Variants in LRP1B observed in about 807,000 individuals in gnomAD.
LRP1B encodes the protein LDL receptor related protein 1B.
A neutral mutation model predicts 556.6 loss-of-function variants in LRP1B; 217 were observed. That is an observed-to-expected ratio of 0.39 (90% confidence interval 0.35 to 0.44). The LOEUF is 0.44. Among genes scored for constraint, LRP1B ranks in the 20% least tolerant of loss-of-function variants. The probability of loss-of-function intolerance (pLI) is 1.00; values close to 1 mark genes in which losing one functional copy is unlikely to be tolerated. For missense variants in LRP1B, 5,053 were observed against 5,620.8 expected, an observed-to-expected ratio of 0.90 and a Z score of 3.23; for synonymous variants, 2,047 against 1,865.8, an observed-to-expected ratio of 1.10 and a Z score of -2.50.
chr2:140,822,009 GA>G (rs928773334), intron 31 of LRP1B, among the ~76,000 whole-genome samples: 3 of 146,294 alleles, frequency 2.1e-5, no homozygotes, highest in African/African-American at 7.6e-5. Context: ...AAAAAAAAAA[GA>G]AAAAAAAAGA....
intron 41 of LRP1B, among the ~76,000 whole-genome samples, chr2:140,601,935 C>T (rs1682689500): frequency 6.6e-6 from 1 of 151,972 alleles, no homozygotes; most frequent in South Asian, 2.1e-4. Context: ...TTTCTTGTAT[C>T]TTAATCAATT....
In LRP1B at chr2:141,708,191, G is replaced by A. The variant is rs567310708; in HGVS notation, c.205+102088C>T. Among the ~76,000 whole-genome samples, 176 of 151,462 alleles carry A rather than the reference G, an allele frequency of 1.2e-3. 2 individuals carry two copies. Among genetic ancestry groups the A allele is most frequent in the South Asian group, 1.7e-3 (8 of 4,748 alleles). ...GTTTACCTATGTAACAAACCTGCACGTCCGCACATGTATCCCAGGACTTAA... is the reference window on the plus strand; with the variant it reads ...GTTTACCTATGTAACAAACCTGCACATCCGCACATGTATCCCAGGACTTAA... On this transcript the variant is annotated intron_variant, in intron 2 of 90. Coordinates refer to ENST00000389484, the MANE Select transcript of LRP1B (RefSeq NM_018557.3).
chr2:141,529,181 G>C (rs1684790844), intron 2 of LRP1B, among the ~76,000 whole-genome samples: 1 of 152,158 alleles, frequency 6.6e-6, no homozygotes, highest in African/African-American at 2.4e-5. Flanking sequence ...GACCATTAAA[G>C]ATACAAAGAC....
At chr2:141,082,284 G>T (rs1699943212) in intron 7 of LRP1B, among the ~76,000 whole-genome samples, 1 of 152,204 alleles carries the variant, frequency 6.6e-6, no homozygotes, top group Non-Finnish European at 1.5e-5. Context: ...TAGCTTGGCA[G>T]ACAAATGTCA....
At chr2:141,280,179 T>C (rs576113913) in intron 3 of LRP1B, among the ~76,000 whole-genome samples, 1 of 152,122 alleles carries the variant, frequency 6.6e-6, no homozygotes, top group Admixed American at 6.6e-5. Flanking sequence ...GAGAGATACA[T>C]GCACATGCTC....
chr2:141,619,691 C>A (rs1355902611), intron 2 of LRP1B, among the ~76,000 whole-genome samples: 2 of 152,096 alleles, frequency 1.3e-5, no homozygotes, highest in Non-Finnish European at 2.9e-5. Flanking sequence ...ACAAGAGTAG[C>A]AAAACAGCAA....
chr2:141,406,696 T>C (rs1192656589), intron 3 of LRP1B, among the ~76,000 whole-genome samples: 3 of 152,082 alleles, frequency 2.0e-5, no homozygotes, highest in Admixed American at 2.0e-4. Context: ...GTGTCAGGCA[T>C]GTTGTATTAA....
chr2:141,229,188 A>G lies in LRP1B; in HGVS notation c.845T>C (p.Phe282Ser). 5 of 1,612,928 alleles carry G rather than the reference A, an allele frequency of 3.1e-6. No individual in the cohort carries two copies. Among genetic ancestry groups the G allele is most frequent in the Non-Finnish European group, 4.2e-6 (5 of 1,179,358 alleles). The change falls in exon 6 of 91, where the codon TTC (phenylalanine) becomes TCC (serine). Residue 282 changes from phenylalanine (F) to serine (S), a missense_variant. Physicochemically the swap from Phe to Ser is radical, Grantham distance 155. Around this residue, in one of 5 missense-constraint regions of LRP1B, gnomAD observed 3,619 missense variants for 3,931.9 expected, o/e 0.92. Coordinates refer to ENST00000389484, the MANE Select transcript of LRP1B (RefSeq NM_018557.3). ...TATTTAATTGAAACACTTACTGTGGAAGGATTGAAGAATATTGATTGTCCA... is the reference window on the plus strand; with the variant it reads ...TATTTAATTGAAACACTTACTGTGGGAGGATTGAAGAATATTGATTGTCCA... ...DEWTINILQS[F>S]HNVQQMAIDW...
intron 66 of LRP1B, among the ~76,000 whole-genome samples, chr2:140,421,320 G>A (rs1324104346): frequency 6.6e-6 from 1 of 152,102 alleles, no homozygotes; most frequent in Non-Finnish European, 1.5e-5. Context: ...CAATAAAGTT[G>A]TTAAAAGAAT....
chr2:141,368,938 A>C (rs564337824), intron 3 of LRP1B, among the ~76,000 whole-genome samples: 1 of 152,268 alleles, frequency 6.6e-6, no homozygotes, highest in South Asian at 2.1e-4. Flanking sequence ...AATTCATATT[A>C]ATCTGCTGGA....
At chr2:140,910,356 A>G (rs1573869546) in intron 21 of LRP1B, among the ~76,000 whole-genome samples, 1 of 151,848 alleles carries the variant, frequency 6.6e-6, no homozygotes, top group African/African-American at 2.4e-5. Flanking sequence ...TGGAGGATAA[A>G]CAATAAAGCT....
At chr2:140,799,435 T>C (rs1015515490) in intron 32 of LRP1B, among the ~76,000 whole-genome samples, 2 of 152,172 alleles carry the variant, frequency 1.3e-5, no homozygotes, top group African/African-American at 2.4e-5. Flanking sequence ...CTTTGGACTT[T>C]CCAGCCTCCA....
At chr2:141,255,936 G>T (rs1446162771) in intron 3 of LRP1B, among the ~76,000 whole-genome samples, 1 of 151,840 alleles carries the variant, frequency 6.6e-6, no homozygotes, top group Non-Finnish European at 1.5e-5. Flanking sequence ...ATAAGCTATT[G>T]TAATGTGATA....
In LRP1B at chr2:141,645,987, A is replaced by G. The variant is rs1689549012; in HGVS notation, c.205+164292T>C. On this transcript the variant is annotated intron_variant, in intron 2 of 90. Coordinates refer to ENST00000389484, the MANE Select transcript of LRP1B (RefSeq NM_018557.3). ...CAATTTTTATAAGAGACGCAACCCC[A>G]CAGGATTTAAACTCAGAAACTTTCT... Among the ~76,000 whole-genome samples, 6 of 152,088 alleles carry G rather than the reference A, an allele frequency of 3.9e-5. No homozygotes were observed. The South Asian group carries it at 1.2e-3, about 31-fold the overall frequency.
At chr2:141,756,203 T>C (rs1052044546) in intron 2 of LRP1B, among the ~76,000 whole-genome samples, 11 of 152,112 alleles carry the variant, frequency 7.2e-5, no homozygotes, top group African/African-American at 2.7e-4. Flanking sequence ...TCAAGTGTTT[T>C]AATCAGTATG....
At chr2:140,720,290 T>C (rs752360470) in intron 35 of LRP1B, among the ~76,000 whole-genome samples, 32 of 152,144 alleles carry the variant, frequency 2.1e-4, no homozygotes, top group Non-Finnish European at 4.4e-4. Context: ...TTAAGACATA[T>C]GGTAATTTGG....
chr2:141,331,621 A>G (rs1258953940), intron 3 of LRP1B, among the ~76,000 whole-genome samples: 1 of 151,582 alleles, frequency 6.6e-6, no homozygotes, highest in African/African-American at 2.4e-5. Flanking sequence ...TTTAAAATTT[A>G]AAAAACACTG....
At chr2:140,239,230 T>C (rs1573667814) in intron 88 of LRP1B, among the ~76,000 whole-genome samples, 1 of 150,858 alleles carries the variant, frequency 6.6e-6, no homozygotes, top group Admixed American at 6.6e-5. Flanking sequence ...TGCTAGAATA[T>C]ATACATGGAC....
chr2:140,252,102 A>AAAAAAAAACCC (rs1291853504), intron 86 of LRP1B, among the ~76,000 whole-genome samples: 7 of 147,058 alleles, frequency 4.8e-5, no homozygotes, highest in African/African-American at 1.7e-4. Context: ...CAAAAAACAA[A>AAAAAAAAACCC]AAAAAACAGA....
Sources: gnomAD v4.1 joint callset for allele counts (sites outside exome capture counted in the v4.1 genomes callset) on GRCh38, gnomAD v4.1.1 for gene constraint, gnomAD v4.1.1 regional missense constraint, MANE v1.5 for transcripts, NCBI Gene and HGNC (gene_info 2026-07-23, HGNC 2026-07-21) for gene names.